Variants in EEF1AKMT1 observed in about 807,000 individuals in gnomAD.
EEF1AKMT1 encodes N-6 adenine-specific DNA methyltransferase 2 (putative).
A neutral mutation model predicts 21.0 loss-of-function variants in EEF1AKMT1; 18 were observed. That is an observed-to-expected ratio of 0.86 (90% confidence interval 0.59 to 1.27). The LOEUF is 1.27. EEF1AKMT1 is among the 50% of genes most tolerant of loss of function. The probability of loss-of-function intolerance (pLI) is 0.00; values close to 1 mark genes in which losing one functional copy is unlikely to be tolerated. For synonymous variants in EEF1AKMT1, 109 were observed against 94.8 expected (o/e 1.15, Z -0.87); for missense variants, 246 against 258.6 (o/e 0.95, Z 0.33).
chr13:20,753,512 T>A (rs2058954233), intron 2 of EEF1AKMT1, among the ~76,000 whole-genome samples: 1 of 152,182 alleles, frequency 6.6e-6, no homozygotes, highest in South Asian at 2.1e-4. Flanking sequence ...ATGATCTATC[T>A]AATGTTGGAG....
chr13:20,734,584 A>ATTTC (rs1011658729), intron 3 of EEF1AKMT1, among the ~76,000 whole-genome samples: 2 of 89,256 alleles, frequency 2.2e-5, no homozygotes, highest in Non-Finnish European at 4.3e-5. Context: ...TTTATTATTT[A>ATTTC]TTTATTTATT....
At chr13:20,756,210 C>G (rs1335697397) in intron 2 of EEF1AKMT1, among the ~76,000 whole-genome samples, 1 of 152,068 alleles carries the variant, frequency 6.6e-6, no homozygotes, top group Non-Finnish European at 1.5e-5. Flanking sequence ...TGAAGATACA[C>G]CTATTATCAA....
At chr13:20,752,228 T>G (rs1289393067) in intron 2 of EEF1AKMT1, among the ~76,000 whole-genome samples, 1 of 152,176 alleles carries the variant, frequency 6.6e-6, no homozygotes, top group South Asian at 2.1e-4. Context: ...TTATTCCTGA[T>G]CTTAGAGGAA....
chr13:20,736,503 T>TA (rs763153822), intron 3 of EEF1AKMT1, among the ~76,000 whole-genome samples: 1 of 151,718 alleles, frequency 6.6e-6, no homozygotes, highest in Non-Finnish European at 1.5e-5. Flanking sequence ...AAAAGACAGG[T>TA]ATAAGGACTC....
chr13:20,769,851 A>C (rs1049910640), intron 1 of EEF1AKMT1, among the ~76,000 whole-genome samples: 1 of 152,164 alleles, frequency 6.6e-6, no homozygotes, highest in Non-Finnish European at 1.5e-5. Flanking sequence ...GGCCTCATAG[A>C]CAAAGACTTT....
At position 20,740,853 on chromosome 13, in the gene EEF1AKMT1, A is replaced by G. The variant is rs147484407; in HGVS notation, c.145-3048T>C. On this transcript the variant is annotated intron_variant, in intron 2 of 4. Transcript: ENST00000382758. ...CACTTTTAAAAGGTGAATTTATGGT[A>G]TGTGAATTATATCTCAACAAAACTG... Among the ~76,000 whole-genome samples, 361 of 151,752 alleles carry G rather than the reference A, an allele frequency of 2.4e-3. 2 individuals are homozygous for G. Among genetic ancestry groups the G allele is most frequent in the Non-Finnish European group, 4.0e-3 (270 of 67,836 alleles).
At chr13:20,730,741 AAATGGACCAATCAGCACTCTGTAG>A (rs1444220052) in intron 4 of EEF1AKMT1, among the ~76,000 whole-genome samples, 1 of 152,190 alleles carries the variant, frequency 6.6e-6, no homozygotes. Flanking sequence ...ACTCTCTGAA[AAATGGACCAATCAGCACTCTGTAG>A]AATGGACCAA....
At chr13:20,766,687 T>C (rs2059034948) in intron 1 of EEF1AKMT1, among the ~76,000 whole-genome samples, 1 of 152,090 alleles carries the variant, frequency 6.6e-6, no homozygotes, top group Non-Finnish European at 1.5e-5. Flanking sequence ...CCAGGTGTGA[T>C]GGCAGGCGCC....
chr13:20,762,142 T>G, intron 1 of EEF1AKMT1, among the ~76,000 whole-genome samples: 1 of 151,648 alleles, frequency 6.6e-6, no homozygotes, highest in Non-Finnish European at 1.5e-5. Flanking sequence ...ATCTCTCCAT[T>G]TATTTAGTTC....
In EEF1AKMT1 at chr13:20,764,829, C is replaced by CT. The variant is rs200507381; in HGVS notation, c.-19-7213dup. ...CCTGCTATCAATAAAAGTGCTCATG[C>CT]TTTTAAAAAAAAGCTTCTATGGCAT... On this transcript the variant is annotated intron_variant, in intron 1 of 4. Coordinates refer to ENST00000382758, the MANE Select transcript of EEF1AKMT1 (RefSeq NM_001318939.2). Among the ~76,000 whole-genome samples the CT allele has an allele frequency of 1.0e-4, 13 of 127,504 alleles. No homozygotes were observed. The South Asian group carries it at 3.0e-3, about 29-fold the overall frequency. 83.6% of individuals were successfully genotyped at this position (127,504 alleles called of 152,430 possible).
At chr13:20,739,986 C>T (rs935153018) in intron 2 of EEF1AKMT1, among the ~76,000 whole-genome samples, 4 of 152,358 alleles carry the variant, frequency 2.6e-5, no homozygotes, top group African/African-American at 9.6e-5. Flanking sequence ...GAAGGGGCGG[C>T]ACCCGTCAGG....
chr13:20,763,321 C>G (rs984535596), intron 1 of EEF1AKMT1, among the ~76,000 whole-genome samples: 1 of 152,016 alleles, frequency 6.6e-6, no homozygotes, highest in African/African-American at 2.4e-5. Context: ...TATGTTAAAG[C>G]CTTAACCCTC....
chr13:20,771,854 T>C (rs958527097), intron 1 of EEF1AKMT1, among the ~76,000 whole-genome samples: 35 of 152,062 alleles, frequency 2.3e-4, no homozygotes, highest in African/African-American at 7.5e-4. Context: ...CTACTAAAAA[T>C]ACAAAAATTA....
At chr13:20,733,734 G>T (rs2058811323) in intron 3 of EEF1AKMT1, among the ~76,000 whole-genome samples, 1 of 152,128 alleles carries the variant, frequency 6.6e-6, no homozygotes, top group Non-Finnish European at 1.5e-5. Flanking sequence ...AGTGCCTGGG[G>T]GACCTGGATA....
chr13:20,766,247 A>T (rs2059030854), intron 1 of EEF1AKMT1, among the ~76,000 whole-genome samples: 1 of 147,110 alleles, frequency 6.8e-6, no homozygotes, highest in Non-Finnish European at 1.5e-5. Context: ...TGCAGTGGGC[A>T]GAGATCACAA....
At chr13:20,741,976 T>A (rs2058874222) in intron 2 of EEF1AKMT1, among the ~76,000 whole-genome samples, 1 of 152,188 alleles carries the variant, frequency 6.6e-6, no homozygotes, top group African/African-American at 2.4e-5. Context: ...CAGAGTTTAT[T>A]TCCCTTTTGA....
At chr13:20,745,569 G>A (rs757847376) in intron 2 of EEF1AKMT1, among the ~76,000 whole-genome samples, 5 of 152,150 alleles carry the variant, frequency 3.3e-5, no homozygotes, top group African/African-American at 4.8e-5. Flanking sequence ...CAAGATGGCA[G>A]GCCAGGCACG....
intron 2 of EEF1AKMT1, among the ~76,000 whole-genome samples, chr13:20,755,626 C>A (rs2058967785): frequency 6.6e-6 from 1 of 152,218 alleles, no homozygotes; most frequent in South Asian, 2.1e-4. Flanking sequence ...CTGTTGAATT[C>A]CAGCATTCTC....
intron 1 of EEF1AKMT1, among the ~76,000 whole-genome samples, chr13:20,761,114 G>T (rs1177381443): frequency 6.6e-6 from 1 of 152,182 alleles, no homozygotes; most frequent in East Asian, 1.9e-4. Flanking sequence ...GCAGGCGTAT[G>T]CACATGTGTA....
Sources: gnomAD v4.1 joint callset for allele counts (sites outside exome capture counted in the v4.1 genomes callset) on GRCh38, gnomAD v4.1.1 for gene constraint, MANE v1.5 for transcripts, NCBI Gene and HGNC (gene_info 2026-07-23, HGNC 2026-07-21) for gene names.